The following ASTN2 variants were observed in gnomAD, a reference collection of about 807,000 sequenced individuals.
ASTN2 encodes astrotactin-2.
A neutral mutation model predicts 139.8 loss-of-function variants in ASTN2; 54 were observed. The ratio of observed to expected loss-of-function variants is 0.39; its 90% CI spans 0.31 to 0.48. ASTN2 has a LOEUF of 0.48. ASTN2 is among the 20% of genes least tolerant of loss of function. The probability of loss-of-function intolerance (pLI) is 0.95; values close to 1 mark genes in which losing one functional copy is unlikely to be tolerated. For missense variants in ASTN2, 1,565 were observed against 1,725.1 expected (o/e 0.91, Z 1.64); for synonymous variants, 756 against 719.5 (o/e 1.05, Z -0.81).
intron 19 of ASTN2, among the ~76,000 whole-genome samples, chr9:116,488,591 T>C (rs1849412864): frequency 6.6e-6 from 1 of 152,230 alleles, no homozygotes; most frequent in South Asian, 2.1e-4. Context: ...GGCTATTTTA[T>C]AGTCATTAAA....
chr9:116,561,913 A>G (rs1289652691), intron 19 of ASTN2: 1 of 152,214 alleles, frequency 6.6e-6, no homozygotes, highest in Non-Finnish European at 1.5e-5. Context: ...AGGATTCTTC[A>G]TATTCCTTTA....
intron 4 of ASTN2, among the ~76,000 whole-genome samples, chr9:117,103,229 G>T (rs1009508433): frequency 6.6e-6 from 1 of 152,166 alleles, no homozygotes; most frequent in Admixed American, 6.5e-5. Flanking sequence ...AAAAATTACT[G>T]ATTTATTGGA....
At chr9:117,032,787 T>C (rs1037643172) in intron 6 of ASTN2, among the ~76,000 whole-genome samples, 3 of 152,158 alleles carry the variant, frequency 2.0e-5, no homozygotes, top group Non-Finnish European at 4.4e-5. Flanking sequence ...GGCATATTAG[T>C]GAACCATGCC....
chr9:116,764,146 G>A (rs1246702157), intron 13 of ASTN2, among the ~76,000 whole-genome samples: 5 of 152,200 alleles, frequency 3.3e-5, no homozygotes, highest in African/African-American at 1.2e-4. Context: ...TGTGGCAGAG[G>A]CTGTGATGCT....
chr9:117,081,223 G>A (rs181835795), intron 5 of ASTN2, among the ~76,000 whole-genome samples: 26 of 152,314 alleles, frequency 1.7e-4, no homozygotes, highest in African/African-American at 6.0e-4. Flanking sequence ...TTGTCCTGCA[G>A]TCTCTCAGCT....
At chr9:117,333,473 G>A (rs1828781455) in intron 1 of ASTN2, among the ~76,000 whole-genome samples, 1 of 152,114 alleles carries the variant, frequency 6.6e-6, no homozygotes, top group African/African-American at 2.4e-5. Flanking sequence ...AAATGATCTA[G>A]CCATCTTCAA....
chr9:116,744,545 T>C (rs967104642), intron 13 of ASTN2, among the ~76,000 whole-genome samples: 12 of 152,082 alleles, frequency 7.9e-5, no homozygotes, highest in African/African-American at 2.9e-4. Flanking sequence ...GACAACAGAA[T>C]ACAGAGAAGA....
chr9:116,441,612 A>G (rs1847842127), intron 21 of ASTN2, among the ~76,000 whole-genome samples: 2 of 152,128 alleles, frequency 1.3e-5, no homozygotes, highest in South Asian at 4.1e-4. Context: ...AGCACATAAA[A>G]CATTTATAAT....
At chr9:116,976,861 C>A in intron 7 of ASTN2, 76 bp from the exon 8 acceptor site, 1 of 1,369,534 alleles carries the variant, frequency 7.3e-7, no homozygotes, top group Non-Finnish European at 1.0e-6. Flanking sequence ...TGCTTGTTTT[C>A]CTAAGACATA....
At chr9:117,211,626 A>G (rs1832131973) in intron 3 of ASTN2, among the ~76,000 whole-genome samples, 1 of 152,154 alleles carries the variant, frequency 6.6e-6, no homozygotes, top group South Asian at 2.1e-4. Flanking sequence ...TCTTTTCTTT[A>G]TAAATTACCC....
At chr9:117,369,313 T>G (rs1829929749) in intron 1 of ASTN2, among the ~76,000 whole-genome samples, 1 of 152,174 alleles carries the variant, frequency 6.6e-6, no homozygotes, top group Non-Finnish European at 1.5e-5. Context: ...TTCCATCTAT[T>G]TTTAATATTA....
In ASTN2 at chr9:117,403,784, C is replaced by T. The variant is rs1034813814; in HGVS notation, c.442+10713G>A. 4.6e-5 allele frequency among the ~76,000 whole-genome samples: 7 copies of T among 152,162 alleles called. 1 individual carries two copies. The highest frequency in any genetic ancestry group is 3.2e-3 in the Middle Eastern group (1 of 314). ...TCCCACAACACCCACCTGCCTTAGACTCAGTCTCTAAGAGCTCTTCTGTCC... is the reference window on the plus strand; with the variant it reads ...TCCCACAACACCCACCTGCCTTAGATTCAGTCTCTAAGAGCTCTTCTGTCC... On this transcript the variant is annotated intron_variant, in intron 1 of 22. Coordinates refer to ENST00000313400, the MANE Select transcript of ASTN2 (RefSeq NM_001365068.1).
intron 19 of ASTN2, chr9:116,543,662 C>T (rs923207848): frequency 5.3e-5 from 8 of 152,062 alleles, no homozygotes; most frequent in African/African-American, 1.9e-4. Context: ...TTTCCTTGTC[C>T]CTCTCTCCAG....
intron 2 of ASTN2, among the ~76,000 whole-genome samples, chr9:117,287,093 A>G (rs991115561): frequency 1.3e-5 from 2 of 152,226 alleles, no homozygotes; most frequent in African/African-American, 4.8e-5. Context: ...AGATGAAATA[A>G]TAGAGGTGCT....
intron 1 of ASTN2, among the ~76,000 whole-genome samples, chr9:117,333,650 C>A (rs531167023): frequency 3.9e-5 from 6 of 152,286 alleles, no homozygotes; most frequent in African/African-American, 1.2e-4. Flanking sequence ...TCTTGTCCAA[C>A]TTGCCCATTT....
intron 4 of ASTN2, among the ~76,000 whole-genome samples, chr9:117,127,617 A>T (rs1829721239): frequency 6.9e-6 from 1 of 145,126 alleles, no homozygotes; most frequent in African/African-American, 2.6e-5. Flanking sequence ...GGGTTTCATT[A>T]CTCAAATTAC....
At chr9:116,775,849 C>G (rs971336002) in intron 13 of ASTN2, among the ~76,000 whole-genome samples, 2 of 151,820 alleles carry the variant, frequency 1.3e-5, no homozygotes, top group African/African-American at 4.8e-5. Context: ...GGCAGGCAGG[C>G]AGGCAGGCAG....
At chr9:116,942,111 CACACCACA>C (rs1302557248) in intron 10 of ASTN2, among the ~76,000 whole-genome samples, 10 of 145,494 alleles carry the variant, frequency 6.9e-5, no homozygotes, top group South Asian at 2.2e-4. Context: ...CACACACACA[CACACCACA>C]CACACACACA....
chr9:117,360,535 C>A (rs1232693617), intron 1 of ASTN2, among the ~76,000 whole-genome samples: 4 of 152,180 alleles, frequency 2.6e-5, no homozygotes, highest in Admixed American at 2.6e-4. Flanking sequence ...GGATAATTCC[C>A]ACCCTCGTGG....
Sources: gnomAD v4.1 joint callset for allele counts (sites outside exome capture counted in the v4.1 genomes callset) on GRCh38, gnomAD v4.1.1 for gene constraint, MANE v1.5 for transcripts, NCBI Gene and HGNC (gene_info 2026-07-23, HGNC 2026-07-21) for gene names.